The following TUSC3 variants were observed in gnomAD, a reference collection of about 807,000 sequenced individuals.
TUSC3 encodes the protein tumor suppressor candidate 3.
In TUSC3, 45 loss-of-function variants were observed where a neutral mutation model predicts 44.8. The ratio of observed to expected loss-of-function variants is 1.00; its 90% confidence interval spans 0.79 to 1.29. TUSC3 has a LOEUF of 1.29. Among genes scored for constraint, TUSC3 ranks in the 50% most tolerant of loss-of-function variants. The pLI, the probability that TUSC3 is intolerant of heterozygous loss-of-function variation, is 0.00. For synonymous variants in TUSC3, 212 were observed against 152.9 expected, an observed-to-expected ratio of 1.39 and a Z score of -2.85; for missense variants, 519 against 437.9, an observed-to-expected ratio of 1.19 and a Z score of -1.65.
chr8:15,509,669 T>C (rs1801106494), intron 2 of TUSC3, among the ~76,000 whole-genome samples: 1 of 152,120 alleles, frequency 6.6e-6, no homozygotes, highest in Non-Finnish European at 1.5e-5. Flanking sequence ...CGTGACAAAT[T>C]TGTAGTCTTA....
At chr8:15,805,067 G>C in the TUSC3 span, among the ~76,000 whole-genome samples, 17,891 of 152,022 alleles carry the variant, frequency 0.12, 1,114 homozygotes, top group South Asian at 0.18. Flanking sequence ...TGTATTCCTA[G>C]GTATTTTATT....
intron 1 of TUSC3, among the ~76,000 whole-genome samples, chr8:15,457,613 A>C (rs992013313): frequency 6.6e-6 from 1 of 150,680 alleles, no homozygotes; most frequent in Non-Finnish European, 1.5e-5. Flanking sequence ...AGCAGTGTTC[A>C]TAATAGCAAA....
At chr8:15,806,137 A>G in the TUSC3 span, 3 of 451,566 alleles carry the variant, frequency 6.6e-6, no homozygotes, top group South Asian at 5.7e-5. Flanking sequence ...CCATGGCTAG[A>G]TGAGCAGTTT....
chr8:15,842,330 A>T, the TUSC3 span, among the ~76,000 whole-genome samples: 4 of 152,294 alleles, frequency 2.6e-5, no homozygotes, highest in Non-Finnish European at 5.9e-5. Context: ...CATCATCTAT[A>T]AATCAGTCTT....
intron 2 of TUSC3, among the ~76,000 whole-genome samples, chr8:15,528,698 C>G (rs188258880): frequency 6.6e-6 from 1 of 152,324 alleles, no homozygotes; most frequent in Non-Finnish European, 1.5e-5. Context: ...CTGCATACTC[C>G]TGTGACCCTC....
intron 2 of TUSC3, among the ~76,000 whole-genome samples, chr8:15,509,643 T>C (rs1168091339): frequency 6.6e-6 from 1 of 151,930 alleles, no homozygotes; most frequent in African/African-American, 2.4e-5. Flanking sequence ...CACAGAAACA[T>C]TGGATTAAGT....
chr8:15,437,536 T>C (rs981479250), intron 1 of TUSC3, among the ~76,000 whole-genome samples: 19 of 152,226 alleles, frequency 1.2e-4, no homozygotes, highest in African/African-American at 4.3e-4. Context: ...CTTTCTCTTG[T>C]ACTATTTTAG....
chr8:15,664,455 A>G (rs1055007950), intron 5 of TUSC3, among the ~76,000 whole-genome samples: 11 of 129,010 alleles, frequency 8.5e-5, no homozygotes, highest in Non-Finnish European at 1.3e-4. Flanking sequence ...TATTATTATT[A>G]TTATTATTAT....
intron 10 of TUSC3, among the ~76,000 whole-genome samples, chr8:15,758,610 A>T (rs1314128962): frequency 6.6e-6 from 1 of 151,998 alleles, no homozygotes; most frequent in Non-Finnish European, 1.5e-5. Flanking sequence ...CCGTTCAGCA[A>T]CCCACTGAAC....
At chr8:15,470,149 C>T (rs1800468600) in intron 1 of TUSC3, among the ~76,000 whole-genome samples, 1 of 151,398 alleles carries the variant, frequency 6.6e-6, no homozygotes, top group Non-Finnish European at 1.5e-5. Context: ...GTAGTGCGTG[C>T]CTGTAGTCCC....
intron 2 of TUSC3, among the ~76,000 whole-genome samples, chr8:15,497,818 C>T (rs936504329): frequency 6.6e-6 from 1 of 151,478 alleles, no homozygotes; most frequent in African/African-American, 2.4e-5. Context: ...GATCTCAGCT[C>T]ACTGCAACCT....
the TUSC3 span, among the ~76,000 whole-genome samples, chr8:15,821,662 A>G: frequency 2.0e-5 from 3 of 152,000 alleles, no homozygotes; most frequent in Non-Finnish European, 4.4e-5. Flanking sequence ...GTCAAAAACC[A>G]TAAAAGCAAA....
rs569096781 is a variant in TUSC3, at chr8:15,432,284, T to A, written n.91+14979T>A. Among the ~76,000 whole-genome samples, 3 of 152,276 alleles carry A rather than the reference T, an allele frequency of 2.0e-5. No individual in the cohort carries two copies. The East Asian group carries it at 5.8e-4, about 29-fold the overall frequency. On this transcript the variant is annotated intron_variant and non_coding_transcript_variant, in intron 1 of 5. Coordinates refer to the TUSC3 transcript ENST00000503191. ...GAGAGGTTTTTGATTACTGATTCAA[T>A]CTCCTTACTCCTTATTCATCTGTGT...
chr8:15,774,316 T>G, the TUSC3 span, among the ~76,000 whole-genome samples: 1 of 152,072 alleles, frequency 6.6e-6, no homozygotes, highest in Non-Finnish European at 1.5e-5. Flanking sequence ...TCACTGCAAA[T>G]GTAATTAGTT....
chr8:15,490,244 A>G (rs1800789169), intron 2 of TUSC3, among the ~76,000 whole-genome samples: 1 of 152,226 alleles, frequency 6.6e-6, no homozygotes, highest in Non-Finnish European at 1.5e-5. Flanking sequence ...AGAAACAAAG[A>G]GAAGAGACAC....
the TUSC3 span, among the ~76,000 whole-genome samples, chr8:15,850,920 G>C: frequency 6.6e-6 from 1 of 152,068 alleles, no homozygotes; most frequent in Non-Finnish European, 1.5e-5. Context: ...TTATCAAATA[G>C]TGCTCCCCTA....
At chr8:15,481,890 A>G (rs4831725) in intron 1 of TUSC3, among the ~76,000 whole-genome samples, 21,954 of 152,174 alleles carry the variant, frequency 0.14, 2,337 homozygotes, top group East Asian at 0.39. Flanking sequence ...AAATGACACA[A>G]CAATGAAGTT....
intron 6 of TUSC3, among the ~76,000 whole-genome samples, chr8:15,681,002 G>T (rs1808403767): frequency 6.6e-6 from 1 of 151,876 alleles, no homozygotes; most frequent in Non-Finnish European, 1.5e-5. Flanking sequence ...ATTTTGTTGA[G>T]GATTTTTACA....
the TUSC3 span, among the ~76,000 whole-genome samples, chr8:15,810,735 A>T: frequency 6.6e-6 from 1 of 152,172 alleles, no homozygotes; most frequent in East Asian, 1.9e-4. Context: ...TGGCCAGCAG[A>T]TTGAAGTCGC....
Sources: gnomAD v4.1 joint callset for allele counts (sites outside exome capture counted in the v4.1 genomes callset) on GRCh38, gnomAD v4.1.1 for gene constraint, MANE v1.5 for transcripts, NCBI Gene and HGNC (gene_info 2026-07-23, HGNC 2026-07-21) for gene names.